NINJ2: variants seen among roughly 807,000 people sequenced by gnomAD.
NINJ2 encodes ninjurin-2.
In NINJ2, 12 loss-of-function variants were observed where a neutral mutation model predicts 11.7. That is an observed-to-expected ratio of 1.02 (90% confidence interval 0.66 to 1.66). The LOEUF (loss-of-function observed/expected upper bound fraction) is 1.66. Ranked by LOEUF, NINJ2 falls within the 40% of genes most tolerant of loss-of-function variation. The pLI is 0.00. For synonymous variants in NINJ2, 93 were observed against 76.8 expected (o/e 1.21, Z -1.10); for missense variants, 187 against 181.8 (o/e 1.03, Z -0.16).
At chr12:641,748 G>A (rs1234431979) in intron 1 of NINJ2, among the ~76,000 whole-genome samples, 1 of 151,656 alleles carries the variant, frequency 6.6e-6, no homozygotes, top group Non-Finnish European at 1.5e-5. Context: ...GGGAGGCTGA[G>A]GGAGGAGAAT....
At chr12:565,509 T>C in intron 2 of NINJ2, 108 bp from the exon 3 acceptor site, 8 of 1,182,740 alleles carry the variant, frequency 6.8e-6, no homozygotes, top group Non-Finnish European at 8.4e-6. Context: ...CAGAAACCCA[T>C]GTGGCAGAAA....
intron 1 of NINJ2, among the ~76,000 whole-genome samples, chr12:605,013 C>T (rs544888183): frequency 2.6e-5 from 4 of 152,328 alleles, no homozygotes; most frequent in South Asian, 2.1e-4. Context: ...GGAAATTTGA[C>T]GTTGCCTCAG....
At chr12:588,262 G>A (rs1204913546) in intron 1 of NINJ2, among the ~76,000 whole-genome samples, 1 of 152,154 alleles carries the variant, frequency 6.6e-6, no homozygotes, top group East Asian at 1.9e-4. Flanking sequence ...GAGACATCTT[G>A]CAAATGGACT....
intron 1 of NINJ2, among the ~76,000 whole-genome samples, chr12:575,159 G>A (rs955289096): frequency 6.6e-6 from 1 of 152,170 alleles, no homozygotes; most frequent in African/African-American, 2.4e-5. Context: ...CTCTCTCCTC[G>A]CTCCTGCTGG....
intron 1 of NINJ2, among the ~76,000 whole-genome samples, chr12:639,740 C>T (rs867060310): frequency 6.6e-6 from 1 of 152,284 alleles, no homozygotes; most frequent in Non-Finnish European, 1.5e-5. Flanking sequence ...GCAAGTGCCT[C>T]CTGAGGACGG....
chr12:571,900 T>C (rs937426382), intron 1 of NINJ2, among the ~76,000 whole-genome samples: 1 of 152,226 alleles, frequency 6.6e-6, no homozygotes, highest in Non-Finnish European at 1.5e-5. Flanking sequence ...GTAACTGCCC[T>C]ACCAAAAAGC....
intron 1 of NINJ2, chr12:644,584 A>G (rs922459056): frequency 6.6e-6 from 1 of 152,452 alleles, no homozygotes; most frequent in African/African-American, 2.4e-5. Context: ...CATACAGGGC[A>G]GGGGGACGGG....
intron 1 of NINJ2, among the ~76,000 whole-genome samples, chr12:631,430 C>G (rs889347217): frequency 3.9e-5 from 6 of 152,160 alleles, no homozygotes; most frequent in African/African-American, 1.4e-4. Flanking sequence ...GTGGCGTGAT[C>G]TCTGCTCAAT....
At chr12:582,056 G>C (rs1265605865) in intron 1 of NINJ2, among the ~76,000 whole-genome samples, 2 of 152,202 alleles carry the variant, frequency 1.3e-5, no homozygotes, top group Non-Finnish European at 2.9e-5. Flanking sequence ...AGGGGAAACA[G>C]GCTCCAGAGA....
chr12:602,178 C>A (rs1314090356), intron 1 of NINJ2, among the ~76,000 whole-genome samples: 1 of 152,194 alleles, frequency 6.6e-6, no homozygotes, highest in Non-Finnish European at 1.5e-5. Context: ...ACACACCACA[C>A]AATTCACCTA....
At chr12:641,936 C>T (rs1185446930) in intron 1 of NINJ2, among the ~76,000 whole-genome samples, 1 of 152,102 alleles carries the variant, frequency 6.6e-6, no homozygotes, top group East Asian at 1.9e-4. Context: ...CAGAAAAGAC[C>T]TGTCTTTGAG....
Position 565,990 on chromosome 12 carries a change from C to T in NINJ2, c.222G>A (p.Leu74=), listed in dbSNP as rs778647115. 1.9e-6 allele frequency: 3 copies of T among 1,614,202 alleles called. No individual in the cohort carries two copies. Among genetic ancestry groups the T allele is most frequent in the Non-Finnish European group, 2.5e-6 (3 of 1,180,032 alleles). The change falls in exon 2 of 4, where the codon CTG becomes CTA. Residue 74 remains leucine, a synonymous_variant. Transcript: ENST00000305108. ...GGACACCGATGACCACCTGCAGGAG[C>T]AGAGAGAGGCTGATGAGGGTGACCA... The part of the protein sequence containing the change: ...TTLVTLISLS[L]LLQVVIGVLL...
intron 1 of NINJ2, among the ~76,000 whole-genome samples, chr12:594,702 T>C (rs1353047143): frequency 6.6e-6 from 1 of 152,228 alleles, no homozygotes; most frequent in Non-Finnish European, 1.5e-5. Context: ...TAGAGAGCTA[T>C]TCTATGTTCA....
At chr12:656,320 C>T (rs1263199782) in intron 1 of NINJ2, among the ~76,000 whole-genome samples, 2 of 151,578 alleles carry the variant, frequency 1.3e-5, no homozygotes, top group Admixed American at 6.6e-5. Flanking sequence ...GCCAAGATTA[C>T]GTCACTGCAC....
chr12:655,429 C>G (rs1310878687), intron 1 of NINJ2, among the ~76,000 whole-genome samples: 2 of 152,184 alleles, frequency 1.3e-5, no homozygotes, highest in Non-Finnish European at 2.9e-5. Flanking sequence ...TTGCAGGATA[C>G]AAGGTTAATA....
At chr12:574,841 C>CAG (rs1947431763) in intron 1 of NINJ2, among the ~76,000 whole-genome samples, 1 of 152,238 alleles carries the variant, frequency 6.6e-6, no homozygotes, top group Non-Finnish European at 1.5e-5. Context: ...TCATCTCACC[C>CAG]AGACCCTAGC....
intron 1 of NINJ2, among the ~76,000 whole-genome samples, chr12:605,084 G>T (rs891144008): frequency 6.6e-6 from 1 of 152,228 alleles, no homozygotes; most frequent in Non-Finnish European, 1.5e-5. Context: ...TTGGATGTCT[G>T]AACTCCCAGA....
intron 1 of NINJ2, among the ~76,000 whole-genome samples, chr12:601,093 C>A (rs1336258373): frequency 6.6e-6 from 1 of 152,166 alleles, no homozygotes. Context: ...CTCTCTCCTG[C>A]ATTTGCAGAA....
Position 663,431 on chromosome 12 carries a change from G to A in NINJ2, c.-71C>T, listed in dbSNP as rs770663451. The stretch of plus-strand genomic sequence containing the variant: ...GACTGCGTGGGCTCCTCCAGGCTCC[G>A]CCGTCTGAGTCTCTGCTGCTTTCTT... On this transcript the variant is annotated 5_prime_UTR_variant, in exon 1 of 4. Coordinates refer to ENST00000305108, the MANE Select transcript of NINJ2 (RefSeq NM_016533.6). 1.9e-5 allele frequency: 31 copies of A among 1,613,836 alleles called. No individual in the cohort carries two copies. The highest frequency in any genetic ancestry group is 6.6e-5 in the South Asian group (6 of 91,066).
Sources: allele counts gnomAD v4.1 joint callset (sites outside exome capture counted in the v4.1 genomes callset), GRCh38; gene constraint gnomAD v4.1.1; transcripts MANE v1.5; gene names NCBI Gene and HGNC (gene_info 2026-07-23, HGNC 2026-07-21).